ERC2: variants seen among roughly 807,000 people sequenced by gnomAD.
The protein encoded by ERC2 is ELKS/RAB6-interacting/CAST family member 2.
Under a neutral mutation model 114.8 loss-of-function variants are expected in ERC2, and 42 were observed. That is an observed-to-expected ratio of 0.37 (90% CI 0.29 to 0.47). The LOEUF (loss-of-function observed/expected upper bound fraction) is 0.47, where lower values mean the gene tolerates loss of function less well. Ranked by LOEUF, ERC2 falls within the 20% of genes least tolerant of loss-of-function variation. The pLI, the probability that ERC2 is intolerant of heterozygous loss-of-function variation, is 0.99. For missense variants in ERC2, 939 were observed against 1,150.7 expected (o/e 0.82, Z 2.66); for synonymous variants, 454 against 425.5 (o/e 1.07, Z -0.82).
rs2067419737 is a variant in ERC2 at position 55,950,451 on chromosome 3, T to C, written c.2377A>G (p.Met793Val). 6.2e-7 allele frequency: 1 copy of C among 1,614,046 alleles called. No individual in the cohort carries two copies. The highest frequency in any genetic ancestry group is 8.5e-7 in the Non-Finnish European group (1 of 1,179,894). ...LEEVRRREDS[M>V]ADNSQHLQIE... ...TGCAAATGCTGTGAGTTGTCAGCCATGCTGTCTTCTCGCCTGCGCACTTCT... is the reference window on the plus strand; with the variant it reads ...TGCAAATGCTGTGAGTTGTCAGCCACGCTGTCTTCTCGCCTGCGCACTTCT... Residue 793 changes from methionine to valine, a missense_variant, in exon 13 of 18, where the codon ATG (methionine) becomes GTG (valine). Coordinates refer to ENST00000288221, the MANE Select transcript of ERC2 (RefSeq NM_015576.3).
intron 1 of ERC2, among the ~76,000 whole-genome samples, chr3:56,443,477 C>T (rs2062414435): frequency 6.6e-6 from 1 of 152,154 alleles, no homozygotes; most frequent in South Asian, 2.1e-4. Flanking sequence ...ATACCAATGT[C>T]ATGGAAGAAG....
intron 2 of ERC2, among the ~76,000 whole-genome samples, chr3:56,302,392 G>A (rs1239985975): frequency 3.3e-5 from 5 of 152,180 alleles, no homozygotes; most frequent in African/African-American, 1.2e-4. Context: ...CTATCCAGTA[G>A]TTAAATCACA....
rs1326243025 is a variant in ERC2 at position 56,032,953 on chromosome 3, AAGAAAC to A, written c.1642-13928_1642-13923del. 8.3e-3 allele frequency among the ~76,000 whole-genome samples: 638 copies of A among 76,648 alleles called. 4 individuals carry two copies. The highest frequency in any genetic ancestry group is 0.014 in the African/African-American group (329 of 22,738). 50.3% of individuals were successfully genotyped at this position (76,648 alleles called of 152,430 possible). A position where few individuals can be genotyped will look rare whatever the true frequency, so the allele number is the denominator to read the frequency against. ...AAAGAAAGAAAGAAAGAAAGAAAGA[AAGAAAC>A]AGAAAGAAAGAAAGAAAGAGAAAGA... is the stretch of plus-strand genomic sequence containing the variant. On this transcript the variant is annotated intron_variant, in intron 7 of 17. Transcript: ENST00000288221.
chr3:55,811,379 G>A (rs939635597), intron 14 of ERC2, among the ~76,000 whole-genome samples: 2 of 152,152 alleles, frequency 1.3e-5, no homozygotes, highest in Non-Finnish European at 2.9e-5. Flanking sequence ...TACCTTCTGA[G>A]AAAACAAGGG....
chr3:55,729,238 C>T (rs936272436), intron 15 of ERC2, among the ~76,000 whole-genome samples: 3 of 152,174 alleles, frequency 2.0e-5, no homozygotes, highest in Non-Finnish European at 2.9e-5. Context: ...GCTCACTCTA[C>T]GCCAGCCATA....
intron 3 of ERC2, among the ~76,000 whole-genome samples, chr3:56,230,600 T>C (rs2050556459): frequency 6.6e-6 from 1 of 152,094 alleles, no homozygotes; most frequent in East Asian, 1.9e-4. Flanking sequence ...ATAAATAGGG[T>C]ATTCCCTTAG....
intron 3 of ERC2, among the ~76,000 whole-genome samples, chr3:56,197,882 G>T (rs1192274759): frequency 6.6e-6 from 1 of 152,198 alleles, no homozygotes; most frequent in Non-Finnish European, 1.5e-5. Flanking sequence ...ACTTTACAGT[G>T]ATGACATACT....
At chr3:55,851,263 C>T (rs1187513980) in intron 14 of ERC2, among the ~76,000 whole-genome samples, 1 of 152,116 alleles carries the variant, frequency 6.6e-6, no homozygotes, top group Non-Finnish European at 1.5e-5. Context: ...TGGCCTGGAG[C>T]AGGCTCCTAC....
intron 7 of ERC2, among the ~76,000 whole-genome samples, chr3:56,033,026 G>A (rs1371466629): frequency 1.0e-4 from 5 of 47,662 alleles, no homozygotes; most frequent in South Asian, 1.4e-3. Context: ...AAAGAAAAAA[G>A]AAACAGAAAG....
At chr3:56,280,246 C>G (rs1460425678) in intron 3 of ERC2, among the ~76,000 whole-genome samples, 2 of 152,194 alleles carry the variant, frequency 1.3e-5, no homozygotes, top group Admixed American at 1.3e-4. Flanking sequence ...CCCCTGAGAG[C>G]TTCCAGAAGG....
intron 17 of ERC2, among the ~76,000 whole-genome samples, chr3:55,615,223 C>G (rs558912145): frequency 6.6e-6 from 1 of 152,284 alleles, no homozygotes; most frequent in Non-Finnish European, 1.5e-5. Flanking sequence ...CTGTTCTACA[C>G]TTTGTATTAA....
chr3:56,096,632 G>C (rs560506475), intron 6 of ERC2, among the ~76,000 whole-genome samples: 10 of 152,140 alleles, frequency 6.6e-5, no homozygotes, highest in Non-Finnish European at 1.2e-4. Flanking sequence ...TCTCTGAGAC[G>C]TCTCCTAGTT....
At chr3:55,862,967 G>T (rs2062094394) in intron 14 of ERC2, among the ~76,000 whole-genome samples, 1 of 152,162 alleles carries the variant, frequency 6.6e-6, no homozygotes, top group Non-Finnish European at 1.5e-5. Context: ...GCACTGACAA[G>T]AGGACATCTT....
intron 7 of ERC2, among the ~76,000 whole-genome samples, chr3:56,058,279 C>T (rs1485942799): frequency 6.6e-6 from 1 of 152,146 alleles, no homozygotes; most frequent in Non-Finnish European, 1.5e-5. Context: ...CTGTTACGAC[C>T]CTTGGACTTA....
intron 7 of ERC2, among the ~76,000 whole-genome samples, chr3:56,021,321 A>T (rs906915135): frequency 2.0e-5 from 3 of 152,016 alleles, no homozygotes; most frequent in Non-Finnish European, 2.9e-5. Context: ...ATCTTTGTAC[A>T]TTTGTGTAGA....
intron 17 of ERC2, among the ~76,000 whole-genome samples, chr3:55,549,266 G>A (rs946282574): frequency 6.6e-6 from 1 of 151,928 alleles, no homozygotes; most frequent in East Asian, 1.9e-4. Flanking sequence ...CTGTGAGGAC[G>A]AAATGAGGTC....
chr3:55,847,632 T>C (rs1294217409), intron 14 of ERC2, among the ~76,000 whole-genome samples: 5 of 151,888 alleles, frequency 3.3e-5, no homozygotes, highest in South Asian at 2.1e-4. Flanking sequence ...ACCACTTTCA[T>C]ATAAAATTAT....
At chr3:56,161,559 A>T (rs1198697512) in intron 4 of ERC2, among the ~76,000 whole-genome samples, 1 of 152,062 alleles carries the variant, frequency 6.6e-6, no homozygotes, top group African/African-American at 2.4e-5. Flanking sequence ...TGTTTATGTC[A>T]TCTGTGATTT....
At position 55,564,630 on chromosome 3, in the gene ERC2, A is replaced by T. The variant is rs553239649; in HGVS notation, c.*40-53354T>A. On this transcript the variant is annotated intron_variant, in intron 17 of 17. Coordinates refer to ENST00000288221, the MANE Select transcript of ERC2 (RefSeq NM_015576.3). ...ACACAGCTATTAGAATAATGACTAC[A>T]TTTCCCAGGCTCTGTCACAGCTCTG... Among the ~76,000 whole-genome samples, 6 of 152,336 alleles carry T rather than the reference A, an allele frequency of 3.9e-5. No homozygotes were observed. The South Asian group carries it at 1.2e-3, about 32-fold the overall frequency.
Sources: allele counts gnomAD v4.1 joint callset (sites outside exome capture counted in the v4.1 genomes callset), GRCh38; gene constraint gnomAD v4.1.1; transcripts MANE v1.5; gene names NCBI Gene and HGNC (gene_info 2026-07-23, HGNC 2026-07-21).